MYO3A: variants seen among roughly 807,000 people sequenced by gnomAD.
MYO3A encodes myosin IIIA.
Under a neutral mutation model 192.7 loss-of-function variants are expected in MYO3A, and 180 were observed. That is an observed-to-expected ratio of 0.93 (90% CI 0.83 to 1.06). The LOEUF is 1.06. Among genes scored for constraint, MYO3A ranks in the 50% least tolerant of loss-of-function variants. MYO3A has a pLI of 0.00. For synonymous variants in MYO3A, 628 were observed against 645.3 expected, an observed-to-expected ratio of 0.97 and a Z score of 0.41; for missense variants, 1,896 against 1,905.0, an observed-to-expected ratio of 1.00 and a Z score of 0.09.
At chr10:26,151,572 G>T (rs534434179) in intron 23 of MYO3A, among the ~76,000 whole-genome samples, 1 of 151,988 alleles carries the variant, frequency 6.6e-6, no homozygotes, top group East Asian at 1.9e-4. Flanking sequence ...TCAAAGTAGG[G>T]TTTTTCTAAA....
chr10:25,964,181 G>A (rs1838120255), intron 4 of MYO3A, among the ~76,000 whole-genome samples: 1 of 152,020 alleles, frequency 6.6e-6, no homozygotes, highest in South Asian at 2.1e-4. Flanking sequence ...TTACATGATT[G>A]TATATGATTA....
In MYO3A at chr10:26,096,549, C is replaced by G. The variant is rs1212776782; in HGVS notation, c.1662-19C>G. ...CCCTTAATTTTAGACTTTTATCCTT[C>G]CTTTTATATTTTTTTTAGGTACCTA... On this transcript the variant is annotated intron_variant, in intron 16 of 34. Coordinates refer to ENST00000642920, the MANE Select transcript of MYO3A (RefSeq NM_017433.5). 6.3e-7 allele frequency: 1 copy of G among 1,593,958 alleles called. No homozygotes were observed. The highest frequency in any genetic ancestry group is 1.1e-5 in the South Asian group (1 of 90,582).
chr10:25,975,290 C>T (rs1391721145), intron 4 of MYO3A, among the ~76,000 whole-genome samples: 1 of 152,180 alleles, frequency 6.6e-6, no homozygotes, highest in Non-Finnish European at 1.5e-5. Flanking sequence ...CAGGATCAGG[C>T]AGTCTCTTAT....
At chr10:25,937,818 G>T (rs182400206) in intron 2 of MYO3A, among the ~76,000 whole-genome samples, 1 of 152,286 alleles carries the variant, frequency 6.6e-6, no homozygotes, top group Admixed American at 6.5e-5. Flanking sequence ...AAATTGAAGG[G>T]AATAAAACAT....
Position 26,181,242 on chromosome 10 carries a change from TAAATGTAAG to T in MYO3A, c.4438+4402_4438+4410del, listed in dbSNP as rs376760288. ...TTATTTTCCAGATGCACTGATCATT[TAAATGTAAG>T]AAATAAACAAACCAAATGAAGCCAG... On this transcript the variant is annotated intron_variant, in intron 31 of 34. Transcript: ENST00000642920. Among the ~76,000 whole-genome samples the T allele has an allele frequency of 3.5e-4, 54 of 152,214 alleles. 1 individual carries two copies. Among genetic ancestry groups the T allele is most frequent in the Admixed American group, 5.2e-4 (8 of 15,286 alleles).
At chr10:25,967,318 G>A (rs561369633) in intron 4 of MYO3A, among the ~76,000 whole-genome samples, 34 of 152,260 alleles carry the variant, frequency 2.2e-4, no homozygotes, top group South Asian at 4.1e-4. Flanking sequence ...AGAGATGCTC[G>A]AGTTACTACC....
chr10:26,207,908 C>T (rs117376922), intron 34 of MYO3A, among the ~76,000 whole-genome samples: 9,300 of 152,214 alleles, frequency 0.061, 364 homozygotes, highest in Non-Finnish European at 0.085. Context: ...TCCATGAACA[C>T]GGAATATCTT....
intron 5 of MYO3A, 139 bp from the exon 6 acceptor site, chr10:25,997,020 A>G: frequency 1.5e-6 from 1 of 679,400 alleles, no homozygotes; most frequent in East Asian, 2.7e-5. Context: ...TGATGTGACT[A>G]ACTCAATGTG....
intron 20 of MYO3A, among the ~76,000 whole-genome samples, chr10:26,138,275 C>T (rs563848911): frequency 6.6e-6 from 1 of 152,292 alleles, no homozygotes; most frequent in South Asian, 2.1e-4. Flanking sequence ...TATTTATCAG[C>T]CAGCTGACAC....
intron 14 of MYO3A, among the ~76,000 whole-genome samples, chr10:26,082,973 T>G (rs950572170): frequency 2.6e-5 from 4 of 152,226 alleles, no homozygotes; most frequent in Admixed American, 2.0e-4. Context: ...GAATATGATA[T>G]GTGACAGTAA....
chr10:25,942,559 C>T (rs763972919), intron 2 of MYO3A, among the ~76,000 whole-genome samples: 2 of 152,178 alleles, frequency 1.3e-5, no homozygotes, highest in Admixed American at 6.5e-5. Flanking sequence ...GCTAGCAATG[C>T]GCAAGAGTTC....
chr10:25,956,361 T>C (rs1295728787), intron 4 of MYO3A, among the ~76,000 whole-genome samples: 1 of 151,616 alleles, frequency 6.6e-6, no homozygotes, highest in Non-Finnish European at 1.5e-5. Context: ...AATGGAGTCT[T>C]GCTTTGTTGC....
At chr10:26,041,236 A>G (rs535866430) in intron 10 of MYO3A, among the ~76,000 whole-genome samples, 1 of 151,984 alleles carries the variant, frequency 6.6e-6, no homozygotes, top group Non-Finnish European at 1.5e-5. Flanking sequence ...TCCGGTTGGC[A>G]TAGAATACCT....
At chr10:26,123,175 T>C (rs1838979089) in intron 18 of MYO3A, among the ~76,000 whole-genome samples, 1 of 152,178 alleles carries the variant, frequency 6.6e-6, no homozygotes, top group Admixed American at 6.5e-5. Flanking sequence ...AGTTTATGTG[T>C]AGAAAATCAA....
chr10:25,975,343 G>A (rs1239402839), intron 4 of MYO3A, among the ~76,000 whole-genome samples: 3 of 152,174 alleles, frequency 2.0e-5, no homozygotes, highest in African/African-American at 7.2e-5. Context: ...AACCACAAAA[G>A]TGAGGGGTAG....
intron 18 of MYO3A, among the ~76,000 whole-genome samples, chr10:26,121,868 G>A (rs1162159507): frequency 6.6e-6 from 1 of 152,156 alleles, no homozygotes; most frequent in Non-Finnish European, 1.5e-5. Flanking sequence ...CTAAGTGCCA[G>A]ATTATCCTGG....
chr10:25,947,323 A>G, intron 2 of MYO3A, among the ~76,000 whole-genome samples: 1 of 150,636 alleles, frequency 6.6e-6, no homozygotes, highest in East Asian at 1.9e-4. Context: ...AGATACTTTC[A>G]CATGTTCCGT....
At chr10:26,050,408 G>A (rs1478665121) in intron 10 of MYO3A, among the ~76,000 whole-genome samples, 1 of 152,156 alleles carries the variant, frequency 6.6e-6, no homozygotes, top group Non-Finnish European at 1.5e-5. Context: ...TTCCTGTAAT[G>A]GTGTTTGTCC....
intron 34 of MYO3A, among the ~76,000 whole-genome samples, chr10:26,206,004 CTTAAG>C (rs1404016085): frequency 6.6e-6 from 1 of 151,636 alleles, no homozygotes; most frequent in Admixed American, 6.6e-5. Context: ...TTGATGGACT[CTTAAG>C]TTGATTCCAT....
Sources: allele counts gnomAD v4.1 joint callset (sites outside exome capture counted in the v4.1 genomes callset), GRCh38; gene constraint gnomAD v4.1.1; transcripts MANE v1.5; gene names NCBI Gene and HGNC (gene_info 2026-07-23, HGNC 2026-07-21).